DLGAP1: variants seen among roughly 807,000 people sequenced by gnomAD.
DLGAP1 encodes the protein DLG associated protein 1.
DLGAP1 carries 11 observed loss-of-function variants against 90.8 expected under a neutral mutation model. That is an observed-to-expected ratio of 0.12 (90% CI 0.08 to 0.20). The LOEUF (loss-of-function observed/expected upper bound fraction) is 0.20. Among genes scored for constraint, DLGAP1 ranks in the 10% least tolerant of loss-of-function variants. The pLI, the probability that DLGAP1 is intolerant of heterozygous loss-of-function variation, is 1.00. For missense variants in DLGAP1, 1,050 were observed against 1,333.8 expected, an observed-to-expected ratio of 0.79 and a Z score of 3.31; for synonymous variants, 558 against 540.7, an observed-to-expected ratio of 1.03 and a Z score of -0.44.
chr18:3,553,731 AC>A (rs2053603178), intron 9 of DLGAP1, among the ~76,000 whole-genome samples: 1 of 58,450 alleles, frequency 1.7e-5, no homozygotes, highest in Non-Finnish European at 5.3e-5. Context: ...ACAGGGTTTC[AC>A]CATGTTGGCC....
intron 2 of DLGAP1, among the ~76,000 whole-genome samples, chr18:4,150,830 C>T (rs934493794): frequency 6.6e-6 from 1 of 152,228 alleles, no homozygotes; most frequent in Admixed American, 6.5e-5. Flanking sequence ...TAACACTATG[C>T]CATTTACTTC....
At chr18:4,426,277 C>T (rs1398141427) in intron 1 of DLGAP1, among the ~76,000 whole-genome samples, 1 of 152,100 alleles carries the variant, frequency 6.6e-6, no homozygotes, top group Non-Finnish European at 1.5e-5. Flanking sequence ...GATTTGAGGC[C>T]ACGATAGAAG....
intron 1 of DLGAP1, among the ~76,000 whole-genome samples, chr18:4,344,748 A>T (rs1256805484): frequency 1.3e-5 from 2 of 152,190 alleles, no homozygotes; most frequent in African/African-American, 4.8e-5. Context: ...GATTCAGACC[A>T]GAGAAACCAA....
intron 1 of DLGAP1, among the ~76,000 whole-genome samples, chr18:4,208,007 C>A (rs566066260): frequency 7.2e-5 from 11 of 152,198 alleles, no homozygotes; most frequent in Non-Finnish European, 1.6e-4. Flanking sequence ...CAAATACTTA[C>A]AATGTTACCT....
Position 4,319,748 on chromosome 18 carries a change from C to A in DLGAP1, c.-267+135258G>T, listed in dbSNP as rs570064291. Among the ~76,000 whole-genome samples the A allele has an allele frequency of 5.9e-5, 9 of 152,264 alleles. 1 individual carries two copies. In the South Asian group the frequency reaches 1.9e-3, roughly 32 times the overall value. On this transcript the variant is annotated intron_variant, in intron 1 of 12. Transcript: ENST00000315677. ...GATGAGACTGATTGGCATTTTGTGT[C>A]ATTAAATCCCCATCTGGCTTAGGCA...
At chr18:4,361,162 C>A (rs1187576000) in intron 1 of DLGAP1, among the ~76,000 whole-genome samples, 3 of 152,042 alleles carry the variant, frequency 2.0e-5, no homozygotes, top group East Asian at 3.9e-4. Context: ...AAATTAATAT[C>A]TTAATAATAA....
intron 4 of DLGAP1, among the ~76,000 whole-genome samples, chr18:3,862,454 G>A (rs1406793459): frequency 1.3e-5 from 2 of 152,302 alleles, no homozygotes; most frequent in South Asian, 2.1e-4. Flanking sequence ...AGCAACTACC[G>A]CCCAAAACTC....
At chr18:3,765,032 G>A (rs1441843149) in intron 5 of DLGAP1, among the ~76,000 whole-genome samples, 1 of 151,270 alleles carries the variant, frequency 6.6e-6, no homozygotes, top group Non-Finnish European at 1.5e-5. Flanking sequence ...GCATGGCTGT[G>A]TTTGTTGTAT....
intron 7 of DLGAP1, among the ~76,000 whole-genome samples, chr18:3,691,112 T>C (rs1299039496): frequency 6.6e-6 from 1 of 152,180 alleles, no homozygotes; most frequent in East Asian, 1.9e-4. Context: ...TTTCCGTAGT[T>C]GATATGCTAA....
intron 2 of DLGAP1, among the ~76,000 whole-genome samples, chr18:4,143,149 G>A (rs2076523611): frequency 6.6e-6 from 1 of 152,022 alleles, no homozygotes; most frequent in Non-Finnish European, 1.5e-5. Context: ...CAAGGCCCTA[G>A]GGCTCTACAA....
intron 7 of DLGAP1, among the ~76,000 whole-genome samples, chr18:3,642,677 T>C (rs923837542): frequency 9.2e-5 from 14 of 152,232 alleles, no homozygotes; most frequent in African/African-American, 3.4e-4. Flanking sequence ...ATTAATGAGA[T>C]AACATACGCC....
chr18:4,346,440 T>A (rs2081304275), intron 1 of DLGAP1, among the ~76,000 whole-genome samples: 1 of 152,140 alleles, frequency 6.6e-6, no homozygotes, highest in Admixed American at 6.5e-5. Flanking sequence ...TATCCCTAAC[T>A]CAGAAAGATA....
At chr18:3,896,441 T>C (rs1196902406) in intron 3 of DLGAP1, 1 of 152,216 alleles carries the variant, frequency 6.6e-6, no homozygotes, top group Non-Finnish European at 1.5e-5. Flanking sequence ...AATACTACCA[T>C]ATTTCATCAT....
At chr18:3,534,657 CTT>C (rs774615454) in intron 9 of DLGAP1, 42 bp from the exon 10 acceptor site, 16 of 1,371,412 alleles carry the variant, frequency 1.2e-5, no homozygotes, top group Non-Finnish European at 1.4e-5. Flanking sequence ...GAGGATATTT[CTT>C]TCTTTCCTTC....
At chr18:4,317,426 C>T (rs2080560689) in intron 1 of DLGAP1, among the ~76,000 whole-genome samples, 1 of 152,166 alleles carries the variant, frequency 6.6e-6, no homozygotes, top group African/African-American at 2.4e-5. Context: ...TTTAAGGTAT[C>T]ATGACATAGA....
intron 7 of DLGAP1, among the ~76,000 whole-genome samples, chr18:3,716,130 A>G (rs547661465): frequency 4.6e-4 from 70 of 152,364 alleles, no homozygotes; most frequent in Middle Eastern, 3.4e-3. Context: ...ACTGAATCCA[A>G]AAGATTTCAT....
rs948906426 is a variant in DLGAP1, at chr18:3,827,228, G to A, written c.958-12955C>T. ...ACTTAGAGCTCTGAGAATGAAGGAG[G>A]TGACCTAAGGAGTGAGTGTTGGTAG... On this transcript the variant is annotated intron_variant, in intron 4 of 12. Coordinates refer to ENST00000315677, the MANE Select transcript of DLGAP1 (RefSeq NM_004746.4). Among the ~76,000 whole-genome samples, 9 of 152,094 alleles carry A rather than the reference G, an allele frequency of 5.9e-5. No individual in the cohort carries two copies. In the East Asian group the frequency reaches 1.4e-3, roughly 23 times the overall value.
intron 5 of DLGAP1, among the ~76,000 whole-genome samples, chr18:3,767,672 CAT>C (rs943907522): frequency 6.6e-6 from 1 of 151,998 alleles, no homozygotes; most frequent in African/African-American, 2.4e-5. Flanking sequence ...GGAAAAAAAT[CAT>C]ATGACCCTAT....
chr18:4,218,574 T>C (rs185146901), intron 1 of DLGAP1, among the ~76,000 whole-genome samples: 86 of 152,098 alleles, frequency 5.7e-4, no homozygotes, highest in African/African-American at 1.9e-3. Flanking sequence ...ATTCCTCCGA[T>C]CTAAATTAAA....
Sources: gnomAD v4.1 joint callset for allele counts (sites outside exome capture counted in the v4.1 genomes callset) on GRCh38, gnomAD v4.1.1 for gene constraint, MANE v1.5 for transcripts, NCBI Gene and HGNC (gene_info 2026-07-23, HGNC 2026-07-21) for gene names.